The following WWOX variants were observed in gnomAD, a reference collection of about 807,000 sequenced individuals.
WWOX encodes WW domain containing oxidoreductase, also known as WW domain-containing oxidoreductase.
In WWOX, 69 loss-of-function variants were observed where a neutral mutation model predicts 46.2. That is an observed-to-expected ratio of 1.49 (90% CI 1.23 to 1.82). The LOEUF (loss-of-function observed/expected upper bound fraction) is 1.82. WWOX is among the 40% of genes most tolerant of loss of function. The pLI is 0.00. For synonymous variants in WWOX, 359 were observed against 202.6 expected (o/e 1.77, Z -6.56); for missense variants, 919 against 542.6 (o/e 1.69, Z -6.89).
At chr16:78,218,889 A>C (rs2036804809) in intron 5 of WWOX, among the ~76,000 whole-genome samples, 1 of 152,272 alleles carries the variant, frequency 6.6e-6, no homozygotes, top group East Asian at 1.9e-4. Flanking sequence ...TTAAAGATAC[A>C]GATGTCTGGC....
At chr16:78,834,643 T>C (rs1195223001) in intron 8 of WWOX, among the ~76,000 whole-genome samples, 1 of 152,174 alleles carries the variant, frequency 6.6e-6, no homozygotes, top group Admixed American at 6.5e-5. Flanking sequence ...CCAGGAATTC[T>C]TGATCTTTCT....
intron 5 of WWOX, among the ~76,000 whole-genome samples, chr16:78,263,156 C>G (rs1201011527): frequency 6.6e-6 from 1 of 152,184 alleles, no homozygotes; most frequent in Non-Finnish European, 1.5e-5. Context: ...AGGAGAATCA[C>G]TTGAACCCAG....
chr16:78,159,753 G>A (rs2034728752), intron 4 of WWOX, among the ~76,000 whole-genome samples: 1 of 143,026 alleles, frequency 7.0e-6, no homozygotes, highest in South Asian at 2.3e-4. Context: ...TCAGTTATGA[G>A]GTTTGCAAGT....
chr16:78,314,332 G>C (rs12600002), intron 5 of WWOX, among the ~76,000 whole-genome samples: 16,613 of 148,398 alleles, frequency 0.11, 989 homozygotes, highest in East Asian at 0.14. Context: ...TGTGAACCCA[G>C]GACGCAGAGG....
At chr16:78,489,802 T>C (rs1258533928) in intron 8 of WWOX, among the ~76,000 whole-genome samples, 1 of 152,146 alleles carries the variant, frequency 6.6e-6, no homozygotes, top group Non-Finnish European at 1.5e-5. Flanking sequence ...GGGACCACAG[T>C]TCCGGCTGGA....
In WWOX at chr16:78,316,071, C is replaced by A. The variant is rs575664802; in HGVS notation, c.517-70789C>A. 1.1e-4 allele frequency among the ~76,000 whole-genome samples: 16 copies of A among 151,692 alleles called. No individual in the cohort carries two copies. The South Asian group carries it at 3.3e-3, about 32-fold the overall frequency. ...GATTAGCCTGGCCCACATGGTGAAA[C>A]CCTGTCTCTACTGAAAATAAAAAAA... On this transcript the variant is annotated intron_variant, in intron 5 of 8. Coordinates refer to ENST00000566780, the MANE Select transcript of WWOX (RefSeq NM_016373.4).
chr16:78,532,399 A>G (rs1011164033), intron 8 of WWOX, among the ~76,000 whole-genome samples: 1 of 152,242 alleles, frequency 6.6e-6, no homozygotes, highest in Non-Finnish European at 1.5e-5. Context: ...CATCTTTGAA[A>G]TGACCATAGT....
intron 8 of WWOX, among the ~76,000 whole-genome samples, chr16:78,986,988 C>T (rs1322870104): frequency 6.6e-6 from 1 of 151,952 alleles, no homozygotes; most frequent in Non-Finnish European, 1.5e-5. Flanking sequence ...AGTGCACTTA[C>T]CCACACGGAG....
chr16:78,568,576 A>G (rs957364292), intron 8 of WWOX, among the ~76,000 whole-genome samples: 4 of 151,288 alleles, frequency 2.6e-5, no homozygotes, highest in East Asian at 2.0e-4. Flanking sequence ...CCTGGATTCA[A>G]GCGAGTTTCC....
intron 8 of WWOX, among the ~76,000 whole-genome samples, chr16:78,613,211 A>G (rs1424134578): frequency 6.6e-6 from 1 of 152,130 alleles, no homozygotes; most frequent in African/African-American, 2.4e-5. Context: ...ATGAACGTCT[A>G]TGCCCAGGTC....
Position 78,753,836 on chromosome 16 carries a change from ATATATATATATATATATATG to A in WWOX, c.1056+321090_1056+321109del, listed in dbSNP as rs1169167052. 2.0e-3 allele frequency among the ~76,000 whole-genome samples: 196 copies of A among 98,372 alleles called. 4 individuals are homozygous for A. Among genetic ancestry groups the A allele is most frequent in the African/African-American group, 4.1e-3 (86 of 21,056 alleles). The allele number at this position is 98,372 out of a possible 152,430, so 64.5% of individuals were successfully genotyped here. On this transcript the variant is annotated intron_variant, in intron 8 of 8. Transcript: ENST00000566780. ...AAAAAAAAAAAAAAAATATATATAT[ATATATATATATATATATATG>A]TATATGTATATGTATATATAAATTT...
At chr16:78,406,707 A>G (rs910447249) in intron 6 of WWOX, among the ~76,000 whole-genome samples, 1 of 149,790 alleles carries the variant, frequency 6.7e-6, no homozygotes, top group Non-Finnish European at 1.5e-5. Context: ...GCTCACTGCA[A>G]CCTCCTCCTC....
chr16:78,298,745 C>T (rs1387359282), intron 5 of WWOX, among the ~76,000 whole-genome samples: 11 of 150,432 alleles, frequency 7.3e-5, no homozygotes, highest in Middle Eastern at 3.4e-3. Flanking sequence ...GAGCCAAGAT[C>T]GCACCATTGC....
intron 5 of WWOX, among the ~76,000 whole-genome samples, chr16:78,285,988 C>T (rs988179947): frequency 7.9e-5 from 12 of 152,242 alleles, no homozygotes; most frequent in African/African-American, 2.6e-4. Flanking sequence ...CTCACAGCAC[C>T]GTCTCTGCCC....
chr16:78,146,983 A>G (rs1311783195), intron 4 of WWOX, among the ~76,000 whole-genome samples: 1 of 152,198 alleles, frequency 6.6e-6, no homozygotes, highest in Non-Finnish European at 1.5e-5. Flanking sequence ...GCTTGCTTTA[A>G]ATGTTATCAG....
At chr16:79,173,958 A>G (rs1021663157) in intron 8 of WWOX, among the ~76,000 whole-genome samples, 4 of 152,200 alleles carry the variant, frequency 2.6e-5, no homozygotes, top group Non-Finnish European at 5.9e-5. Flanking sequence ...TAGAATTTGA[A>G]AATGTCTAAC....
At chr16:79,075,223 C>T (rs2048632713) in intron 8 of WWOX, among the ~76,000 whole-genome samples, 1 of 152,166 alleles carries the variant, frequency 6.6e-6, no homozygotes, top group Non-Finnish European at 1.5e-5. Flanking sequence ...CTGCTCAGCC[C>T]TAAGTTTGAA....
In WWOX at chr16:78,414,618, A is replaced by G. The variant is rs893120610; in HGVS notation, c.606-10252A>G. Among the ~76,000 whole-genome samples the G allele has an allele frequency of 3.9e-5, 6 of 152,204 alleles. No homozygotes were observed. In the East Asian group the frequency reaches 5.8e-4, roughly 15 times the overall value. ...ATCTGAAAAGACATCTCAAAAGCCA[A>G]TCTTAGGTTCTACAACAGTGATGTT... On this transcript the variant is annotated intron_variant, in intron 6 of 8. Coordinates refer to ENST00000566780, the MANE Select transcript of WWOX (RefSeq NM_016373.4).
In WWOX at chr16:78,399,040, A is replaced by G. The variant is rs1375290981; in HGVS notation, c.605+12092A>G. Among the ~76,000 whole-genome samples, 3 of 147,918 alleles carry G rather than the reference A, an allele frequency of 2.0e-5. No homozygotes were observed. In the East Asian group the frequency reaches 5.9e-4, roughly 29 times the overall value. On this transcript the variant is annotated intron_variant, in intron 6 of 8. Transcript: ENST00000566780. ...GCTGGCTAGATGGATAGAAAGATGG[A>G]ACAGGTAAGTATAAGGAAGGGGATA...
Sources: gnomAD v4.1 joint callset for allele counts (sites outside exome capture counted in the v4.1 genomes callset) on GRCh38, gnomAD v4.1.1 for gene constraint, MANE v1.5 for transcripts, NCBI Gene and HGNC (gene_info 2026-07-23, HGNC 2026-07-21) for gene names.